SRGAP2C: variants seen among roughly 807,000 people sequenced by gnomAD.
SRGAP2C encodes the protein SLIT-ROBO Rho GTPase-activating protein 2C.
Under a neutral mutation model 25.1 loss-of-function variants are expected in SRGAP2C, and 15 were observed. The observed-to-expected ratio is 0.60, with a 90% CI of 0.40 to 0.92. The LOEUF is 0.92. Ranked by LOEUF, SRGAP2C falls within the 40% of genes least tolerant of loss-of-function variation. SRGAP2C has a pLI of 0.00. For synonymous variants in SRGAP2C, 44 were observed against 96.6 expected (o/e 0.46, Z 3.19); for missense variants, 144 against 264.4 (o/e 0.54, Z 3.16).
intron 2 of SRGAP2C, among the ~76,000 whole-genome samples, chr1:121,258,339 T>C (rs1426890878): frequency 4.6e-5 from 7 of 151,474 alleles, no homozygotes; most frequent in Non-Finnish European, 8.8e-5. Flanking sequence ...GGAAGCAAGC[T>C]GCGGATTCTG....
At chr1:121,278,231 G>T (rs1307311577) in intron 2 of SRGAP2C, among the ~76,000 whole-genome samples, 2 of 151,960 alleles carry the variant, frequency 1.3e-5, no homozygotes, top group Non-Finnish European at 2.9e-5. Flanking sequence ...ACAGGGGTGA[G>T]CCACTGTGCC....
intron 2 of SRGAP2C, among the ~76,000 whole-genome samples, chr1:121,259,673 A>G (rs1361271058): frequency 1.3e-5 from 2 of 151,708 alleles, no homozygotes; most frequent in East Asian, 3.9e-4. Flanking sequence ...TACAATAAAG[A>G]TCTCTGTGAG....
intron 3 of SRGAP2C, among the ~76,000 whole-genome samples, chr1:121,321,036 A>G (rs1346447936): frequency 6.6e-6 from 1 of 151,890 alleles, no homozygotes; most frequent in African/African-American, 2.4e-5. Context: ...AAATAAACCT[A>G]TGCAAAGCTA....
chr1:121,368,586 G>A (rs1367328592), intron 5 of SRGAP2C, among the ~76,000 whole-genome samples: 1 of 151,972 alleles, frequency 6.6e-6, no homozygotes, highest in Admixed American at 6.6e-5. Context: ...AAAAGTTCGA[G>A]GTTAAAAAGG....
At chr1:121,263,432 A>G (rs1656680682) in intron 2 of SRGAP2C, among the ~76,000 whole-genome samples, 1 of 148,722 alleles carries the variant, frequency 6.7e-6, no homozygotes, top group Non-Finnish European at 1.5e-5. Context: ...CTCCGTCTCA[A>G]AAAAAAAAAA....
Position 121,262,809 on chromosome 1 carries a change from G to A in SRGAP2C, c.68-21994G>A, listed in dbSNP as rs1330484279. ...ATTTAATAATAAAGAACTGGGATACGGGTTTTTTTTTCTAAAATTTGGGGA... is the reference window on the plus strand; with the variant it reads ...ATTTAATAATAAAGAACTGGGATACAGGTTTTTTTTTCTAAAATTTGGGGA... On this transcript the variant is annotated intron_variant, in intron 2 of 9. Coordinates refer to ENST00000367123, the MANE Select transcript of SRGAP2C (RefSeq NM_001329984.2). 4.3e-4 allele frequency among the ~76,000 whole-genome samples: 65 copies of A among 151,342 alleles called. 1 individual carries two copies. Among genetic ancestry groups the A allele is most frequent in the African/African-American group, 1.4e-3 (60 of 41,436 alleles).
chr1:121,314,844 G>A, intron 3 of SRGAP2C: 2 of 518,372 alleles, frequency 3.9e-6, no homozygotes, highest in Middle Eastern at 5.7e-4. Flanking sequence ...AGATGGAAAT[G>A]CAGAAATCAC....
At chr1:121,229,594 G>T (rs1570721864) in intron 2 of SRGAP2C, among the ~76,000 whole-genome samples, 1 of 151,836 alleles carries the variant, frequency 6.6e-6, no homozygotes, top group South Asian at 2.1e-4. Context: ...TATAGGAATA[G>T]TATAGATTTG....
intron 3 of SRGAP2C, among the ~76,000 whole-genome samples, chr1:121,287,878 A>ATTCC (rs1213429943): frequency 6.6e-6 from 1 of 151,470 alleles, no homozygotes; most frequent in Non-Finnish European, 1.5e-5. Flanking sequence ...GGAGTTGTTC[A>ATTCC]TTCCTCCCGG....
rs1244756454 is a variant in SRGAP2C at position 121,258,323 on chromosome 1, C to T, written c.68-26480C>T. Among the ~76,000 whole-genome samples, 11 of 151,538 alleles carry T rather than the reference C, an allele frequency of 7.3e-5. 1 individual carries two copies. The highest frequency in any genetic ancestry group is 1.2e-4 in the Non-Finnish European group (8 of 67,804). ...TTTTGTTTTTAGGGTGGTGCCCTTC[C>T]CACAGGGAAGCAAGCTGCGGATTCT... On this transcript the variant is annotated intron_variant, in intron 2 of 9. Transcript: ENST00000367123.
intron 3 of SRGAP2C, among the ~76,000 whole-genome samples, chr1:121,308,739 G>C: frequency 6.7e-6 from 1 of 150,202 alleles, no homozygotes; most frequent in South Asian, 2.1e-4. Flanking sequence ...AGGAGTTGGA[G>C]ACCAGCCTGA....
At chr1:121,237,721 A>G (rs1474111508) in intron 2 of SRGAP2C, among the ~76,000 whole-genome samples, 1 of 151,076 alleles carries the variant, frequency 6.6e-6, no homozygotes, top group Non-Finnish European at 1.5e-5. Context: ...ATTTTGAGTA[A>G]TAAATTCCCT....
chr1:121,271,388 G>A (rs1406978209), intron 2 of SRGAP2C, among the ~76,000 whole-genome samples: 1 of 149,606 alleles, frequency 6.7e-6, no homozygotes, highest in Non-Finnish European at 1.5e-5. Context: ...AGTGCCCACT[G>A]GTTCCTGGGT....
chr1:121,320,766 A>G lies in SRGAP2C; in HGVS notation c.261-3712A>G, dbSNP rs1553341036. On this transcript the variant is annotated intron_variant, in intron 3 of 9. Coordinates refer to ENST00000367123, the MANE Select transcript of SRGAP2C (RefSeq NM_001329984.2). ...ACTTTTGTTTTAAAGTTGAGTCACT[A>G]TCATCACCTAGCAGCTATTCCCCTT... Among the ~76,000 whole-genome samples, 271 of 152,278 alleles carry G rather than the reference A, an allele frequency of 1.8e-3. 2 individuals are homozygous for G. The highest frequency in any genetic ancestry group is 6.2e-3 in the African/African-American group (257 of 41,556).
At chr1:121,332,518 T>C (rs1476754340) in intron 4 of SRGAP2C, among the ~76,000 whole-genome samples, 1 of 152,028 alleles carries the variant, frequency 6.6e-6, no homozygotes, top group Non-Finnish European at 1.5e-5. Context: ...GAGGAAGGAA[T>C]GTAAGAGACT....
At chr1:121,268,367 C>T (rs1444602280) in intron 2 of SRGAP2C, among the ~76,000 whole-genome samples, 1 of 151,544 alleles carries the variant, frequency 6.6e-6, no homozygotes, top group Non-Finnish European at 1.5e-5. Flanking sequence ...GCCAGTGTAG[C>T]TGGGGGCCAG....
chr1:121,249,578 ATATT>A (rs1234523008), intron 2 of SRGAP2C, among the ~76,000 whole-genome samples: 130 of 23,072 alleles, frequency 5.6e-3, no homozygotes, highest in East Asian at 0.043. Flanking sequence ...ATATATATAT[ATATT>A]TTTTTTTTTT....
chr1:121,335,978 G>A (rs1374722528), intron 4 of SRGAP2C, among the ~76,000 whole-genome samples: 4 of 151,350 alleles, frequency 2.6e-5, no homozygotes, highest in African/African-American at 9.7e-5. Context: ...GATCTTGTGG[G>A]GGCTTGGCTT....
At chr1:121,233,210 G>A (rs1443327585) in intron 2 of SRGAP2C, among the ~76,000 whole-genome samples, 5 of 108,660 alleles carry the variant, frequency 4.6e-5, no homozygotes, top group South Asian at 3.4e-4. Context: ...GCAGTGGTGC[G>A]ATCTTGGCTC....
Sources: gnomAD v4.1 joint callset for allele counts (sites outside exome capture counted in the v4.1 genomes callset) on GRCh38, gnomAD v4.1.1 for gene constraint, MANE v1.5 for transcripts, NCBI Gene and HGNC (gene_info 2026-07-23, HGNC 2026-07-21) for gene names.